The following ARHGEF4 variants were observed in gnomAD, a reference collection of about 807,000 sequenced individuals.
ARHGEF4 encodes Rho guanine nucleotide exchange factor 4, also known as APC-stimulated guanine nucleotide exchange factor 1.
In ARHGEF4, 119 loss-of-function variants were observed where a neutral mutation model predicts 162.0. The observed-to-expected ratio is 0.73, with a 90% CI of 0.63 to 0.86. The LOEUF is 0.86. ARHGEF4 is among the 40% of genes least tolerant of loss of function. The pLI is 0.00. For missense variants in ARHGEF4, 2,488 were observed against 2,456.0 expected, an observed-to-expected ratio of 1.01 and a Z score of -0.28; for synonymous variants, 1,014 against 979.9, an observed-to-expected ratio of 1.03 and a Z score of -0.65.
At chr2:130,946,399 G>C in intron 3 of ARHGEF4, 110 bp from the exon 4 acceptor site, 1 of 1,383,410 alleles carries the variant, frequency 7.2e-7, no homozygotes, top group East Asian at 2.4e-5. Context: ...TTGGTTGTGT[G>C]CTCTGTTCAC....
intron 5 of ARHGEF4, chr2:131,034,984 C>T (rs1224387851): frequency 8.1e-6 from 8 of 983,862 alleles, no homozygotes; most frequent in East Asian, 1.1e-4. Flanking sequence ...GGGAGGAGCC[C>T]CAGGCCCGCG....
At chr2:130,904,924 C>T (rs1192239184) in intron 1 of ARHGEF4, among the ~76,000 whole-genome samples, 1 of 151,926 alleles carries the variant, frequency 6.6e-6, no homozygotes. Flanking sequence ...ACTAAAAATA[C>T]AAACATTAGC....
chr2:130,913,627 A>G (rs1681322943), intron 1 of ARHGEF4, among the ~76,000 whole-genome samples: 1 of 148,696 alleles, frequency 6.7e-6, no homozygotes, highest in African/African-American at 2.6e-5. Context: ...CAACGCAAAC[A>G]TATTGATTTG....
At chr2:130,977,298 C>T (rs1685802651) in intron 4 of ARHGEF4, among the ~76,000 whole-genome samples, 1 of 151,168 alleles carries the variant, frequency 6.6e-6, no homozygotes, top group Non-Finnish European at 1.5e-5. Context: ...TGTTAGTATG[C>T]ATAGTGTGTG....
chr2:131,039,560 A>C (rs1690595748), intron 6 of ARHGEF4: 2 of 1,026,140 alleles, frequency 1.9e-6, no homozygotes, highest in Non-Finnish European at 2.3e-6. Context: ...TCCGGCGGGG[A>C]GGTCCCAGGC....
Position 130,946,600 on chromosome 2 carries a change from A to G in ARHGEF4, c.3950A>G (p.Asn1317Ser). Residue 1317 changes from asparagine (N) to serine (S), a missense_variant, in exon 4 of 14, where the codon AAC (asparagine) becomes AGC (serine). Asn to Ser is a conservative substitution (Grantham distance 46). Transcript: ENST00000409359. The part of the protein sequence containing the change: ...PLSQSAPTGL[N>S]HMGWPEHTPG... ...TCCCAGAGTGCTCCAACGGGACTGAACCACATGGGCTGGCCAGAGCACACA... is the reference window on the plus strand; with the variant it reads ...TCCCAGAGTGCTCCAACGGGACTGAGCCACATGGGCTGGCCAGAGCACACA... The G allele has an allele frequency of 6.2e-7, 1 of 1,614,056 alleles. No homozygotes were observed. The highest frequency in any genetic ancestry group is 1.1e-5 in the South Asian group (1 of 91,072).
chr2:130,926,418 T>C lies in ARHGEF4; in HGVS notation c.3553-4534T>C, dbSNP rs866595369. On this transcript the variant is annotated intron_variant, in intron 2 of 13. Transcript: ENST00000409359. ...GCTGGTGTCTGTTGACTCTCTTTTTTATTCAAGTTGAGATTTTCCCTGTTC... is the reference window on the plus strand; with the variant it reads ...GCTGGTGTCTGTTGACTCTCTTTTTCATTCAAGTTGAGATTTTCCCTGTTC... Among the ~76,000 whole-genome samples, 16 of 152,320 alleles carry C rather than the reference T, an allele frequency of 1.1e-4. 1 individual carries two copies. In the Middle Eastern group the frequency reaches 0.014, roughly 130 times the overall value.
At chr2:131,027,242 C>G (rs751488943) in intron 4 of ARHGEF4, among the ~76,000 whole-genome samples, 1 of 152,218 alleles carries the variant, frequency 6.6e-6, no homozygotes, top group Non-Finnish European at 1.5e-5. Context: ...ACAATCACAG[C>G]TACACACACA....
Position 130,916,454 on chromosome 2 carries a change from T to G in ARHGEF4, c.2508T>G (p.Asn836Lys). ...GCCCCGAGGGGCTCCCCAGGGAGAA[T>G]CCGCCCGCTGCGGCCGGTCGGGACG... is the stretch of plus-strand genomic sequence containing the variant. ...SSGPEGLPRE[N>K]PPAAAGRDAP... is the part of the protein sequence containing the mutation. Residue 836 changes from asparagine to lysine, a missense_variant, in exon 2 of 14, where the codon AAT becomes AAG. Physicochemically the swap from Asn to Lys is moderately conservative, Grantham distance 94. Around this residue, in one of 6 missense-constraint regions of ARHGEF4, gnomAD observed 1,642 missense variants for 1,481.5 expected, o/e 1.11. Coordinates refer to ENST00000409359, the MANE Select transcript of ARHGEF4 (RefSeq NM_001367493.1). The G allele has an allele frequency of 6.5e-7, 1 of 1,541,594 alleles. No individual in the cohort carries two copies. Among genetic ancestry groups the G allele is most frequent in the African/African-American group, 1.4e-5 (1 of 72,942 alleles).
At position 131,045,474 on chromosome 2, in the gene ARHGEF4, G is replaced by A. The variant is rs561739950; in HGVS notation, c.5479+28G>A. ...AGGCGGACAGCAGCCCCACCTCCTC[G>A]GCTGCCCGGTCCTTACCCTGCTGAC... On this transcript the variant is annotated intron_variant, in intron 13 of 13. Coordinates refer to ENST00000409359, the MANE Select transcript of ARHGEF4 (RefSeq NM_001367493.1). 8.5e-5 allele frequency: 137 copies of A among 1,613,544 alleles called. No individual in the cohort carries two copies. The East Asian group carries it at 1.7e-3, about 20-fold the overall frequency.
intron 1 of ARHGEF4, among the ~76,000 whole-genome samples, chr2:130,851,971 C>T (rs1032581125): frequency 6.6e-6 from 1 of 152,256 alleles, no homozygotes; most frequent in Non-Finnish European, 1.5e-5. Flanking sequence ...TCAGAATTGC[C>T]TCATGTTAGG....
At chr2:130,988,921 G>A (rs1024527940) in intron 4 of ARHGEF4, among the ~76,000 whole-genome samples, 104 of 150,202 alleles carry the variant, frequency 6.9e-4, no homozygotes, top group Non-Finnish European at 1.2e-3. Flanking sequence ...GAGAGAGAGA[G>A]AGAGAGAGAG....
chr2:130,931,848 A>G (rs1682652221), intron 3 of ARHGEF4, among the ~76,000 whole-genome samples: 1 of 152,224 alleles, frequency 6.6e-6, no homozygotes. Context: ...AATATTTAAT[A>G]TCAAGTGTTT....
chr2:130,992,138 C>T (rs530320801), intron 4 of ARHGEF4, among the ~76,000 whole-genome samples: 1 of 151,998 alleles, frequency 6.6e-6, no homozygotes, highest in East Asian at 1.9e-4. Flanking sequence ...GGGGACGAGG[C>T]GAACCTTTGT....
intron 1 of ARHGEF4, among the ~76,000 whole-genome samples, chr2:130,845,349 G>T (rs1243340691): frequency 6.6e-6 from 1 of 151,798 alleles, no homozygotes. Context: ...CTACAAAAAT[G>T]TTTTTAAAAA....
chr2:130,992,008 G>C (rs1052504045), intron 4 of ARHGEF4, among the ~76,000 whole-genome samples: 1 of 152,196 alleles, frequency 6.6e-6, no homozygotes, highest in Non-Finnish European at 1.5e-5. Context: ...AAACACACCA[G>C]TCAGCACCCT....
At chr2:130,959,273 T>C (rs35276197) in intron 4 of ARHGEF4, among the ~76,000 whole-genome samples, 22,680 of 152,060 alleles carry the variant, frequency 0.15, 2,224 homozygotes, top group African/African-American at 0.28. Flanking sequence ...CTTCTTTTAT[T>C]GCCAGCAGCT....
intron 4 of ARHGEF4, among the ~76,000 whole-genome samples, chr2:131,007,969 C>T (rs1396321355): frequency 2.0e-5 from 3 of 151,606 alleles, no homozygotes; most frequent in African/African-American, 2.4e-5. Context: ...CCCACCACCC[C>T]GCCCAGCTAA....
intron 1 of ARHGEF4, among the ~76,000 whole-genome samples, chr2:130,889,380 A>G (rs1383352685): frequency 6.6e-6 from 1 of 152,008 alleles, no homozygotes; most frequent in Non-Finnish European, 1.5e-5. Flanking sequence ...ATATTTATTT[A>G]GTCACTTATT....
Sources: allele counts gnomAD v4.1 joint callset (sites outside exome capture counted in the v4.1 genomes callset), GRCh38; gene constraint gnomAD v4.1.1; regional missense constraint gnomAD v4.1.1; transcripts MANE v1.5; gene names NCBI Gene and HGNC (gene_info 2026-07-23, HGNC 2026-07-21).